Variants in SEC16B observed in about 807,000 individuals in gnomAD.
The protein encoded by SEC16B is SEC16 homolog B, endoplasmic reticulum export factor.
In SEC16B, 115 loss-of-function variants were observed where a neutral mutation model predicts 141.8. The ratio of observed to expected loss-of-function variants is 0.81; its 90% CI spans 0.70 to 0.95. SEC16B has a LOEUF of 0.95. Among genes scored for constraint, SEC16B ranks in the 40% least tolerant of loss-of-function variants. The pLI, the probability that SEC16B is intolerant of heterozygous loss-of-function variation, is 0.00. For missense variants in SEC16B, 1,291 were observed against 1,312.3 expected, an observed-to-expected ratio of 0.98 and a Z score of 0.25; for synonymous variants, 493 against 492.5, an observed-to-expected ratio of 1.00 and a Z score of -0.01.
chr1:177,944,887 C>T (rs2101929584), intron 14 of SEC16B, among the ~76,000 whole-genome samples: 1 of 152,246 alleles, frequency 6.6e-6, no homozygotes, highest in South Asian at 2.1e-4. Flanking sequence ...AGGAACAAAA[C>T]AGAACTCTGC....
chr1:177,958,028 C>T, intron 10 of SEC16B, 104 bp downstream of exon 10: 1 of 700,354 alleles, frequency 1.4e-6, no homozygotes, highest in Non-Finnish European at 2.0e-6. Flanking sequence ...TTGCATCCTC[C>T]CTGAAATGAG....
chr1:177,937,847 G>C (rs573019433), intron 18 of SEC16B, among the ~76,000 whole-genome samples: 9 of 152,232 alleles, frequency 5.9e-5, no homozygotes, highest in East Asian at 1.9e-4. Context: ...GACAGGATGG[G>C]AGGTGAGACA....
At chr1:177,948,404 T>C (rs1376871157) in intron 12 of SEC16B, 1 of 1,304,360 alleles carries the variant, frequency 7.7e-7, no homozygotes, top group Non-Finnish European at 1.0e-6. Flanking sequence ...TGCCTATGTT[T>C]TCTGGCTCTA....
chr1:177,961,292 T>C (rs947964281), intron 6 of SEC16B: 1 of 454,796 alleles, frequency 2.2e-6, no homozygotes, highest in African/African-American at 2.0e-5. Flanking sequence ...TGCATCTTGC[T>C]TTTGCTTTTC....
chr1:177,956,720 T>C (rs1160149836), intron 10 of SEC16B, among the ~76,000 whole-genome samples: 2 of 152,220 alleles, frequency 1.3e-5, no homozygotes, highest in Non-Finnish European at 2.9e-5. Flanking sequence ...TTTTTGACTT[T>C]ACAATGCTGT....
At chr1:177,970,215 G>C (rs1160790120), upstream of SEC16B, 1 of 152,284 alleles carries the variant, frequency 6.6e-6, no homozygotes, top group African/African-American at 2.4e-5. Context: ...AATTCCCACA[G>C]CAATCACGGA....
At chr1:177,965,850 C>T in intron 3 of SEC16B, 43 bp downstream of exon 3, 1 of 1,272,744 alleles carries the variant, frequency 7.9e-7, no homozygotes, top group Non-Finnish European at 1.1e-6. Context: ...GACCAGCTGC[C>T]CCATCCCCAA....
chr1:177,940,082 C>T (rs1651165160), intron 17 of SEC16B, among the ~76,000 whole-genome samples: 1 of 152,126 alleles, frequency 6.6e-6, no homozygotes, highest in Non-Finnish European at 1.5e-5. Context: ...GCTGTGTGTG[C>T]TTTAAAAAAT....
chr1:177,931,584 T>C (rs1650417925), intron 24 of SEC16B, among the ~76,000 whole-genome samples: 1 of 152,180 alleles, frequency 6.6e-6, no homozygotes, highest in African/African-American at 2.4e-5. Flanking sequence ...GCTACTGAAA[T>C]GTTTTCAAAG....
rs747472101 is a variant in SEC16B, at chr1:177,978,240, T to C, written c.-59+5966A>G. Among the ~76,000 whole-genome samples the C allele has an allele frequency of 5.3e-5, 8 of 152,198 alleles. 1 individual carries two copies. Among genetic ancestry groups the C allele is most frequent in the Non-Finnish European group, 1.0e-4 (7 of 68,044 alleles). Reference sequence around the variant, plus strand: ...GAGTGTATAATAATGAATATCTTCATGAGATTGTTGTAGAATAAATGAGAT... The same window carrying C: ...GAGTGTATAATAATGAATATCTTCACGAGATTGTTGTAGAATAAATGAGAT... On this transcript the variant is annotated intron_variant and NMD_transcript_variant, in intron 1 of 24. Coordinates refer to the SEC16B transcript ENST00000528461.
intron 12 of SEC16B, among the ~76,000 whole-genome samples, chr1:177,948,922 T>TACACACAC (rs71108020): frequency 3.9e-4 from 59 of 149,372 alleles, no homozygotes; most frequent in African/African-American, 9.6e-4. Flanking sequence ...TAGGTATAAA[T>TACACACAC]ACACACACAC....
chr1:177,972,048 G>A (rs182819442), upstream of SEC16B, among the ~76,000 whole-genome samples: 129 of 152,276 alleles, frequency 8.5e-4, no homozygotes, highest in African/African-American at 3.0e-3. Flanking sequence ...TTATAGAATT[G>A]TCATTCTGTT....
chr1:177,967,725 A>G lies in SEC16B; in HGVS notation c.257T>C (p.Val86Ala), dbSNP rs748105190. Residue 86 changes from valine to alanine, a missense_variant, in exon 2 of 26, where the codon GTT becomes GCT. Val to Ala is a moderately conservative substitution (Grantham distance 64). Coordinates refer to ENST00000308284, the MANE Select transcript of SEC16B (RefSeq NM_033127.4). ...GCGATAACCACCTTCGTAATAGTCA[A>G]CTCCAGACACAGGCTGATGCCAGTC... is the stretch of plus-strand genomic sequence containing the variant. ...PGDWHQPVSG[V>A]DYYEGGYRNQ... is the part of the protein sequence containing the mutation. The G allele has an allele frequency of 1.2e-6, 2 of 1,612,464 alleles. No individual in the cohort carries two copies. The highest frequency in any genetic ancestry group is 1.1e-5 in the South Asian group (1 of 91,020).
intron 10 of SEC16B, among the ~76,000 whole-genome samples, chr1:177,955,085 C>G (rs960482311): frequency 1.3e-5 from 2 of 152,028 alleles, no homozygotes; most frequent in Non-Finnish European, 2.9e-5. Flanking sequence ...AAGTGAGGAT[C>G]AAAGCCTCAA....
intron 18 of SEC16B, among the ~76,000 whole-genome samples, chr1:177,938,377 T>A (rs999496200): frequency 1.1e-4 from 16 of 152,230 alleles, no homozygotes; most frequent in African/African-American, 3.9e-4. Context: ...ACATGGGTCA[T>A]GTGTTACACG....
Position 177,929,552 on chromosome 1 carries a change from A to G in SEC16B, c.*306T>C. Reference sequence around the variant, plus strand: ...TAGCTGTTAGGGCCCTAATTTCCCCAAGGCTCTCAAGCCACCACCATAAGT... The same window carrying G: ...TAGCTGTTAGGGCCCTAATTTCCCCGAGGCTCTCAAGCCACCACCATAAGT... On this transcript the variant is annotated 3_prime_UTR_variant, in exon 26 of 26. Transcript: ENST00000308284. 1 of 362,098 alleles carries G rather than the reference A, an allele frequency of 2.8e-6. No individual in the cohort carries two copies. Among genetic ancestry groups the G allele is most frequent in the Non-Finnish European group, 5.1e-6 (1 of 195,234 alleles). The allele number at this position is 362,098 out of a possible 1,614,324, so 22.4% of individuals were successfully genotyped here.
At chr1:177,942,135 T>C in intron 15 of SEC16B, 95 bp from the exon 16 acceptor site, 1 of 1,344,404 alleles carries the variant, frequency 7.4e-7, no homozygotes, top group Non-Finnish European at 1.0e-6. Flanking sequence ...AGCTGTCAGT[T>C]TCCGCTAACT....
chr1:177,963,890 T>C (rs2101991644), intron 5 of SEC16B, among the ~76,000 whole-genome samples: 1 of 152,342 alleles, frequency 6.6e-6, no homozygotes, highest in South Asian at 2.1e-4. Context: ...GCGTCCTCTC[T>C]TTCCCAGTAT....
At chr1:177,947,268 G>A (rs556315453) in intron 13 of SEC16B, among the ~76,000 whole-genome samples, 217 of 152,272 alleles carry the variant, frequency 1.4e-3, no homozygotes, top group Non-Finnish European at 2.6e-3. Context: ...CCCCCTAAGC[G>A]TTTATAAGGC....
Sources: allele counts gnomAD v4.1 joint callset (sites outside exome capture counted in the v4.1 genomes callset), GRCh38; gene constraint gnomAD v4.1.1; transcripts MANE v1.5; gene names NCBI Gene and HGNC (gene_info 2026-07-23, HGNC 2026-07-21).